Variants in SLC41A2 observed in about 807,000 individuals in gnomAD.
SLC41A2 encodes solute carrier family 41 member 2, also known as SLC41A1-like 1.
SLC41A2 carries 32 observed loss-of-function variants against 58.3 expected under a neutral mutation model. The ratio of observed to expected loss-of-function variants is 0.55; its 90% CI spans 0.41 to 0.74. The LOEUF is 0.74. SLC41A2 is among the 30% of genes least tolerant of loss of function. The pLI is 0.00. For synonymous variants in SLC41A2, 190 were observed against 235.0 expected (o/e 0.81, Z 1.75); for missense variants, 514 against 680.6 (o/e 0.76, Z 2.72).
intron 1 of SLC41A2, among the ~76,000 whole-genome samples, chr12:104,956,485 C>T (rs920341239): frequency 2.6e-5 from 4 of 152,150 alleles, no homozygotes; most frequent in African/African-American, 7.2e-5. Context: ...TGGAGACCAA[C>T]CTGGCCAACA....
chr12:104,900,574 T>C (rs1022224232), intron 3 of SLC41A2, among the ~76,000 whole-genome samples: 2 of 152,164 alleles, frequency 1.3e-5, no homozygotes, highest in African/African-American at 2.4e-5. Flanking sequence ...AAAAACCTAG[T>C]TGACTATAAC....
At chr12:104,905,438 C>T (rs1025499303) in intron 3 of SLC41A2, among the ~76,000 whole-genome samples, 6 of 152,380 alleles carry the variant, frequency 3.9e-5, no homozygotes, top group African/African-American at 1.4e-4. Flanking sequence ...CTCAGGAGCC[C>T]AGCTGGCTTC....
At chr12:104,942,476 C>CAA (rs34008453) in intron 1 of SLC41A2, among the ~76,000 whole-genome samples, 41,690 of 131,102 alleles carry the variant, frequency 0.32, 6,673 homozygotes, top group South Asian at 0.51. Context: ...AGATCTTGTC[C>CAA]AAAAAAAAAA....
chr12:104,948,877 C>T (rs1266152388), intron 1 of SLC41A2, among the ~76,000 whole-genome samples: 1 of 152,186 alleles, frequency 6.6e-6, no homozygotes, highest in Admixed American at 6.5e-5. Context: ...CACCTCTGAT[C>T]CATAGGTGAA....
At chr12:104,955,546 A>G (rs78612656) in intron 1 of SLC41A2, among the ~76,000 whole-genome samples, 6,242 of 152,194 alleles carry the variant, frequency 0.041, 178 homozygotes, top group East Asian at 0.11. Flanking sequence ...ATTTGCCCAC[A>G]CCGTATTCAG....
At chr12:104,910,269 G>C (rs2046024795) in intron 2 of SLC41A2, among the ~76,000 whole-genome samples, 1 of 152,126 alleles carries the variant, frequency 6.6e-6, no homozygotes, top group Non-Finnish European at 1.5e-5. Flanking sequence ...GTTGACCCCA[G>C]GAGTTCTAAG....
At chr12:104,815,622 G>C (rs550916896) in intron 10 of SLC41A2, among the ~76,000 whole-genome samples, 22 of 152,186 alleles carry the variant, frequency 1.4e-4, no homozygotes, top group Admixed American at 1.0e-3. Flanking sequence ...GGAGAGGAAG[G>C]CTTAGAAATA....
chr12:104,897,183 T>A (rs1480483526), intron 3 of SLC41A2, among the ~76,000 whole-genome samples: 24 of 147,068 alleles, frequency 1.6e-4, no homozygotes, highest in Non-Finnish European at 3.3e-4. Context: ...TCTTACTCCG[T>A]CACCCAGGCT....
At chr12:104,932,643 A>AAAAAAAAAAC (rs2047106183) in intron 1 of SLC41A2, among the ~76,000 whole-genome samples, 1 of 151,128 alleles carries the variant, frequency 6.6e-6, no homozygotes, top group Admixed American at 6.6e-5. Context: ...AAAAAAAAAA[A>AAAAAAAAAAC]AAAGATATAG....
At chr12:104,867,050 T>C (rs1398000281) in intron 6 of SLC41A2, among the ~76,000 whole-genome samples, 2 of 152,120 alleles carry the variant, frequency 1.3e-5, no homozygotes, top group Admixed American at 6.5e-5. Flanking sequence ...GAAGAAAATA[T>C]GTATCTGACA....
At chr12:104,955,759 T>C (rs1396720071) in intron 1 of SLC41A2, among the ~76,000 whole-genome samples, 2 of 150,714 alleles carry the variant, frequency 1.3e-5, no homozygotes, top group Non-Finnish European at 3.0e-5. Context: ...TTTAGTGGTT[T>C]TTTTTTTTTT....
intron 10 of SLC41A2, among the ~76,000 whole-genome samples, chr12:104,829,872 T>G (rs1592953349): frequency 6.6e-6 from 1 of 152,216 alleles, no homozygotes; most frequent in African/African-American, 2.4e-5. Flanking sequence ...AATTTCAGTA[T>G]CCATAAACAA....
chr12:104,851,978 T>C (rs1210929888), intron 8 of SLC41A2: 1 of 152,198 alleles, frequency 6.6e-6, no homozygotes, highest in Non-Finnish European at 1.5e-5. Flanking sequence ...TCGGTACTCA[T>C]CTGATAATAG....
Position 104,928,484 on chromosome 12 carries a change from C to T in SLC41A2, c.44G>A (p.Gly15Asp). The stretch of plus-strand genomic sequence containing the variant: ...AAAACCTCCTCCACTACTTGGACCA[C>T]CACTTGTTTTATCGGTAATAGATCT... ...KGRSITDKTS[G>D]GPSSGGGFVD... The change falls in exon 2 of 11, where the codon GGT becomes GAT. Residue 15 changes from glycine (G) to aspartate (D), a missense_variant. Gly to Asp is a moderately conservative substitution (Grantham distance 94). Coordinates refer to ENST00000258538, the MANE Select transcript of SLC41A2 (RefSeq NM_001352171.3). 1 of 1,538,458 alleles carries T rather than the reference C, an allele frequency of 6.5e-7. No individual in the cohort carries two copies. The highest frequency in any genetic ancestry group is 1.2e-5 in the South Asian group (1 of 82,076).
chr12:104,835,577 A>G (rs1238506093), intron 10 of SLC41A2, among the ~76,000 whole-genome samples: 4 of 152,182 alleles, frequency 2.6e-5, no homozygotes, highest in Non-Finnish European at 5.9e-5. Flanking sequence ...TCCTCCCCAC[A>G]TAGAAAAACC....
intron 3 of SLC41A2, among the ~76,000 whole-genome samples, chr12:104,906,659 CAT>C (rs2045865956): frequency 6.6e-6 from 1 of 152,278 alleles, no homozygotes; most frequent in Non-Finnish European, 1.5e-5. Context: ...ACTATGTAGA[CAT>C]ATGTTATATA....
chr12:104,856,584 G>A (rs866782036), intron 8 of SLC41A2, among the ~76,000 whole-genome samples: 1 of 152,108 alleles, frequency 6.6e-6, no homozygotes, highest in African/African-American at 2.4e-5. Flanking sequence ...GTAAGCTAAA[G>A]GGAAAAGATG....
At chr12:104,813,157 C>T (rs574419774) in intron 10 of SLC41A2, among the ~76,000 whole-genome samples, 23 of 150,766 alleles carry the variant, frequency 1.5e-4, no homozygotes, top group Admixed American at 1.4e-3. Context: ...CCAGCCTGGG[C>T]GACAGAGCAA....
intron 1 of SLC41A2, among the ~76,000 whole-genome samples, chr12:104,940,024 T>G (rs952329932): frequency 2.6e-5 from 4 of 152,148 alleles, no homozygotes; most frequent in Admixed American, 2.6e-4. Context: ...ATTATTATTT[T>G]TTTTTTGAGA....
Sources: allele counts gnomAD v4.1 joint callset (sites outside exome capture counted in the v4.1 genomes callset), GRCh38; gene constraint gnomAD v4.1.1; transcripts MANE v1.5; gene names NCBI Gene and HGNC (gene_info 2026-07-23, HGNC 2026-07-21).